KCNIP4: variants seen among roughly 807,000 people sequenced by gnomAD.
KCNIP4 encodes potassium voltage-gated channel interacting protein 4.
Under a neutral mutation model 34.0 loss-of-function variants are expected in KCNIP4, and 12 were observed. That is an observed-to-expected ratio of 0.35 (90% CI 0.23 to 0.57). The LOEUF is 0.57. Ranked by LOEUF, KCNIP4 falls within the 20% of genes least tolerant of loss-of-function variation. The probability of loss-of-function intolerance (pLI) is 0.83; values close to 1 mark genes in which losing one functional copy is unlikely to be tolerated. For synonymous variants in KCNIP4, 124 were observed against 102.2 expected (o/e 1.21, Z -1.29); for missense variants, 238 against 311.7 (o/e 0.76, Z 1.78).
At chr4:21,905,799 C>T (rs1369955383) in intron 1 of KCNIP4, among the ~76,000 whole-genome samples, 3 of 152,124 alleles carry the variant, frequency 2.0e-5, no homozygotes, top group African/African-American at 7.2e-5. Context: ...AGATTCCTGA[C>T]TTTCTCTGAA....
intron 1 of KCNIP4, among the ~76,000 whole-genome samples, chr4:21,556,756 A>C (rs1268768942): frequency 6.6e-6 from 1 of 151,690 alleles, no homozygotes; most frequent in Non-Finnish European, 1.5e-5. Flanking sequence ...CCCCATCTTT[A>C]CTAAAAATTC....
chr4:21,801,733 C>G (rs1273603664), intron 1 of KCNIP4, among the ~76,000 whole-genome samples: 10 of 152,030 alleles, frequency 6.6e-5, no homozygotes, highest in Non-Finnish European at 1.0e-4. Context: ...CTCAGCCTCC[C>G]AAGTAGCTGG....
At chr4:21,283,955 T>G (rs969213274) in intron 1 of KCNIP4, among the ~76,000 whole-genome samples, 2 of 152,014 alleles carry the variant, frequency 1.3e-5, no homozygotes, top group Non-Finnish European at 2.9e-5. Flanking sequence ...GGCTCACACC[T>G]GTAATCCCAG....
intron 3 of KCNIP4, among the ~76,000 whole-genome samples, chr4:20,786,738 G>GT (rs1383492346): frequency 6.6e-6 from 1 of 151,778 alleles, no homozygotes; most frequent in Admixed American, 6.6e-5. Context: ...TCTTGCAAGT[G>GT]TTTTTTTTAG....
At chr4:21,553,365 T>A (rs1738731782) in intron 1 of KCNIP4, among the ~76,000 whole-genome samples, 2 of 152,154 alleles carry the variant, frequency 1.3e-5, no homozygotes, top group Non-Finnish European at 2.9e-5. Flanking sequence ...TGATAATATG[T>A]ATAAAAATAC....
intron 1 of KCNIP4, chr4:21,582,017 AGAATAGAATAGAATGGAATG>A (rs1560534481): frequency 8.0e-5 from 9 of 112,744 alleles, no homozygotes; most frequent in South Asian, 3.1e-4. Flanking sequence ...AGAATAGAAT[AGAATAGAATAGAATGGAATG>A]GAATGGAATG....
At chr4:21,505,228 C>A (rs358558) in intron 1 of KCNIP4, among the ~76,000 whole-genome samples, 57,798 of 151,260 alleles carry the variant, frequency 0.38, 11,249 homozygotes, top group East Asian at 0.55. Context: ...ATAGATTTTT[C>A]CCCCCATTGG....
rs192791019 is a variant in KCNIP4 at position 20,972,916 on chromosome 4, A to G, written c.62-90207T>C. On this transcript the variant is annotated intron_variant, in intron 1 of 8. Transcript: ENST00000382152. Reference sequence around the variant, plus strand: ...TGGAGCCTGAGTATTTAACTGAACTACTACAATCTCATGATCAAACTAGAA... The same window carrying G: ...TGGAGCCTGAGTATTTAACTGAACTGCTACAATCTCATGATCAAACTAGAA... 3.9e-5 allele frequency among the ~76,000 whole-genome samples: 6 copies of G among 152,332 alleles called. No homozygotes were observed. In the East Asian group the frequency reaches 9.7e-4, roughly 25 times the overall value.
Position 21,159,462 on chromosome 4 carries a change from C to CA in KCNIP4, c.62-276754_62-276753insT, listed in dbSNP as rs1560774102. 9.5e-5 allele frequency among the ~76,000 whole-genome samples: 2 copies of CA among 21,124 alleles called. 1 individual carries two copies. Among genetic ancestry groups the CA allele is most frequent in the African/African-American group, 8.0e-4 (2 of 2,502 alleles). The allele number at this position is 21,124 out of a possible 152,430, so 13.9% of individuals were successfully genotyped here. On this transcript the variant is annotated intron_variant, in intron 1 of 8. Transcript: ENST00000382152. Reference sequence around the variant, plus strand: ...CTCCCAGCGTGAGCGACGCAGAAGACGGTGATTTCTGCATTTCCATCTGAG... The same window carrying CA: ...CTCCCAGCGTGAGCGACGCAGAAGACAGGTGATTTCTGCATTTCCATCTGAG...
rs1302566741 is a variant in KCNIP4 at position 21,006,318 on chromosome 4, G to A, written c.62-123609C>T. The stretch of plus-strand genomic sequence containing the variant: ...AATAAAACAGGGTAAGGTAATAGAG[G>A]CAGATTGGGGAGTTGCTTCTTGCTG... On this transcript the variant is annotated intron_variant, in intron 1 of 8. Transcript: ENST00000382152. Among the ~76,000 whole-genome samples, 5 of 152,184 alleles carry A rather than the reference G, an allele frequency of 3.3e-5. No homozygotes were observed. The East Asian group carries it at 5.8e-4, about 18-fold the overall frequency.
At chr4:20,963,440 T>C (rs1254282769) in intron 1 of KCNIP4, among the ~76,000 whole-genome samples, 1 of 152,168 alleles carries the variant, frequency 6.6e-6, no homozygotes, top group Admixed American at 6.5e-5. Context: ...ATGAACACTT[T>C]TTTTTTAAAA....
At chr4:21,774,381 T>C (rs1227796979) in intron 1 of KCNIP4, among the ~76,000 whole-genome samples, 1 of 152,204 alleles carries the variant, frequency 6.6e-6, no homozygotes, top group Non-Finnish European at 1.5e-5. Flanking sequence ...TTTTCCTTCA[T>C]TTCAACCTAG....
chr4:20,739,354 T>C (rs952892370), intron 5 of KCNIP4, among the ~76,000 whole-genome samples: 3 of 152,112 alleles, frequency 2.0e-5, no homozygotes, highest in African/African-American at 7.2e-5. Flanking sequence ...TGACACCTCA[T>C]ACAGCCAGGT....
chr4:21,538,215 G>A lies in KCNIP4; in HGVS notation c.61+410356C>T, dbSNP rs537781978. 1.2e-4 allele frequency among the ~76,000 whole-genome samples: 18 copies of A among 152,106 alleles called. No homozygotes were observed. In the South Asian group the frequency reaches 3.5e-3, roughly 30 times the overall value. ...TCTACAGCATGTTTAGAAGTAGTAT[G>A]TCCCACCAACACCTTGATCTTAGAC... is the stretch of plus-strand genomic sequence containing the variant. On this transcript the variant is annotated intron_variant, in intron 1 of 8. Coordinates refer to ENST00000382152, the MANE Select transcript of KCNIP4 (RefSeq NM_025221.6).
At chr4:21,720,668 C>T (rs13116972) in intron 1 of KCNIP4, among the ~76,000 whole-genome samples, 1 of 149,490 alleles carries the variant, frequency 6.7e-6, no homozygotes, top group East Asian at 2.0e-4. Context: ...TCTCCTAATG[C>T]TATCCCTCCC....
chr4:20,875,518 T>C (rs996024589), intron 2 of KCNIP4, among the ~76,000 whole-genome samples: 1 of 152,236 alleles, frequency 6.6e-6, no homozygotes, highest in African/African-American at 2.4e-5. Context: ...TCTGAGGGTT[T>C]GAACATGACA....
At chr4:21,833,590 G>A (rs1240901069) in intron 1 of KCNIP4, among the ~76,000 whole-genome samples, 1 of 152,138 alleles carries the variant, frequency 6.6e-6, no homozygotes, top group Non-Finnish European at 1.5e-5. Flanking sequence ...AAGCTCTTTA[G>A]TTTAATTAGA....
rs373422082 is a variant in KCNIP4, at chr4:21,384,532, C to CA, written c.62-501824dup. On this transcript the variant is annotated intron_variant, in intron 1 of 8. Coordinates refer to ENST00000382152, the MANE Select transcript of KCNIP4 (RefSeq NM_025221.6). ...TAGAGACAAATGTAATCCCATGGTA[C>CA]AAAAAAGGCAGCATTAAAACTACCT... Among the ~76,000 whole-genome samples the CA allele has an allele frequency of 3.1e-3, 465 of 152,152 alleles. 1 individual carries two copies. Among genetic ancestry groups the CA allele is most frequent in the African/African-American group, 0.011 (441 of 41,528 alleles).
chr4:21,939,303 T>C (rs917631317), intron 1 of KCNIP4, among the ~76,000 whole-genome samples: 14 of 152,180 alleles, frequency 9.2e-5, no homozygotes, highest in South Asian at 8.3e-4. Context: ...TTACAGGGTG[T>C]AGCGGAGACT....
Sources: gnomAD v4.1 joint callset for allele counts (sites outside exome capture counted in the v4.1 genomes callset) on GRCh38, gnomAD v4.1.1 for gene constraint, MANE v1.5 for transcripts, NCBI Gene and HGNC (gene_info 2026-07-23, HGNC 2026-07-21) for gene names.